STMN1: variants seen among roughly 807,000 people sequenced by gnomAD.
STMN1 encodes stathmin.
A neutral mutation model predicts 19.7 loss-of-function variants in STMN1; 3 were observed. That is an observed-to-expected ratio of 0.15 (90% CI 0.07 to 0.39). The LOEUF (loss-of-function observed/expected upper bound fraction) is 0.39, where lower values mean the gene tolerates loss of function less well. Ranked by LOEUF, STMN1 falls within the 10% of genes least tolerant of loss-of-function variation. The probability of loss-of-function intolerance (pLI) is 1.00; values close to 1 mark genes in which losing one functional copy is unlikely to be tolerated. For synonymous variants in STMN1, 59 were observed against 58.9 expected (o/e 1.00, Z -0.01); for missense variants, 99 against 176.0 (o/e 0.56, Z 2.48).
chr1:25,900,046 C>G, downstream of STMN1: 1 of 979,704 alleles, frequency 1.0e-6, no homozygotes, highest in Non-Finnish European at 1.2e-6. Context: ...ACGTATCTGC[C>G]AACCTTAACC....
At chr1:25,891,593 C>A (rs2095426) in intron 4 of STMN1, among the ~76,000 whole-genome samples, 1 of 151,896 alleles carries the variant, frequency 6.6e-6, no homozygotes, top group Non-Finnish European at 1.5e-5. Flanking sequence ...AAATGGACTT[C>A]TGAGTTCTTC....
At chr1:25,898,921 G>GA (rs2048844723), downstream of STMN1, among the ~76,000 whole-genome samples, 1 of 152,228 alleles carries the variant, frequency 6.6e-6, no homozygotes, top group African/African-American at 2.4e-5. Context: ...ATGGGGGAGT[G>GA]AAAGTTACTT....
chr1:25,890,597 G>T (rs1369923424), intron 4 of STMN1, among the ~76,000 whole-genome samples: 1 of 152,210 alleles, frequency 6.6e-6, no homozygotes, highest in African/African-American at 2.4e-5. Flanking sequence ...TTCCGGCATT[G>T]TGCCTGCACG....
At chr1:25,893,375 C>T (rs934181746) in intron 4 of STMN1, among the ~76,000 whole-genome samples, 8 of 152,042 alleles carry the variant, frequency 5.3e-5, no homozygotes, top group African/African-American at 1.9e-4. Context: ...TCTCAGGAGA[C>T]CTTCTAAGAG....
chr1:25,904,872 GA>G (rs35742348), intron 1 of STMN1, 134 bp from the exon 2 acceptor site: 8,896 of 504,650 alleles, frequency 0.018, 661 homozygotes, highest in African/African-American at 0.16. Context: ...AATTAACCAC[GA>G]AAAAAATTAT....
At chr1:25,888,286 G>A (rs774832076) in intron 4 of STMN1, among the ~76,000 whole-genome samples, 1 of 152,056 alleles carries the variant, frequency 6.6e-6, no homozygotes, top group Non-Finnish European at 1.5e-5. Context: ...TGCCATGCCC[G>A]ACCACCATCA....
downstream of STMN1, among the ~76,000 whole-genome samples, chr1:25,899,462 A>C (rs2048848922): frequency 6.6e-6 from 1 of 152,248 alleles, no homozygotes; most frequent in Non-Finnish European, 1.5e-5. Context: ...GTATTCAACT[A>C]TACTTGCACT....
At chr1:25,906,621 G>T (rs1436673498), upstream of STMN1, among the ~76,000 whole-genome samples, 1 of 152,126 alleles carries the variant, frequency 6.6e-6, no homozygotes, top group Non-Finnish European at 1.5e-5. The surrounding 1 kb of genome is among the most constrained non-coding windows in gnomAD (Gnocchi z 4.5). Flanking sequence ...GCCGGGGGTT[G>T]CAGGGCGCCT....
intron 4 of STMN1, among the ~76,000 whole-genome samples, chr1:25,890,819 AAAG>A (rs999234907): frequency 6.6e-6 from 1 of 152,130 alleles, no homozygotes; most frequent in African/African-American, 2.4e-5. Context: ...AAAAAACTGG[AAAG>A]AAGAGGTGAG....
intron 4 of STMN1, among the ~76,000 whole-genome samples, chr1:25,886,627 T>G (rs1284698276): frequency 6.7e-6 from 1 of 149,848 alleles, no homozygotes; most frequent in Admixed American, 6.7e-5. Context: ...CTCACTCTGT[T>G]GCCCAGGCTG....
At chr1:25,901,710 C>G (rs1308453633) in intron 3 of STMN1, 28 bp from the exon 4 acceptor site, 1 of 1,590,266 alleles carries the variant, frequency 6.3e-7, no homozygotes, top group African/African-American at 1.4e-5. Context: ...ATAGGCTAGG[C>G]ACTCTAAAAT....
At chr1:25,897,668 T>A (rs1464366751), downstream of STMN1, among the ~76,000 whole-genome samples, 1 of 152,042 alleles carries the variant, frequency 6.6e-6, no homozygotes, top group Non-Finnish European at 1.5e-5. Flanking sequence ...AGGGGAATTG[T>A]TCCGGGCAAC....
At chr1:25,894,278 A>C (rs1489393895) in intron 4 of STMN1, among the ~76,000 whole-genome samples, 2 of 152,154 alleles carry the variant, frequency 1.3e-5, no homozygotes, top group African/African-American at 4.8e-5. Flanking sequence ...GTGCAGCTGC[A>C]GGCCCATCTC....
In STMN1 at chr1:25,901,592, AGTT is replaced by A. The variant is rs2048875015; in HGVS notation, c.274_276del (p.Asn92del). On this transcript the variant is annotated inframe_deletion, in exon 4 of 5. Coordinates refer to ENST00000455785, the MANE Select transcript of STMN1 (RefSeq NM_005563.4). ...AGTTTCTCTTCTGCCATTTTACTGA[AGTT>A]GTTGTTCTCTTCTATTGCCTTCTGA... The A allele has an allele frequency of 3.1e-6, 5 of 1,613,976 alleles. No individual in the cohort carries two copies. Among genetic ancestry groups the A allele is most frequent in the East Asian group, 2.2e-5 (1 of 44,878 alleles).
At chr1:25,886,580 T>TG (rs1491349167) in intron 4 of STMN1, among the ~76,000 whole-genome samples, 834 of 29,916 alleles carry the variant, frequency 0.028, 26 homozygotes, top group Admixed American at 0.18. Context: ...CCCCCACCAC[T>TG]TTTTTTTTTT....
At chr1:25,899,908 TGA>T (rs908966197), downstream of STMN1, among the ~76,000 whole-genome samples, 1 of 152,148 alleles carries the variant, frequency 6.6e-6, no homozygotes, top group Non-Finnish European at 1.5e-5. Flanking sequence ...TACAGATGTC[TGA>T]GAGGCACAAA....
Position 25,904,736 on chromosome 1 carries a change from G to A in STMN1, c.-60C>T. On this transcript the variant is annotated splice_region_variant and 5_prime_UTR_variant, in exon 2 of 5. Transcript: ENST00000455785. ...TGCACAATCAACTGGGATAAGGAAA[G>A]TCCTGAAAATGATTTTCAAAAACAT... 4 of 1,595,666 alleles carry A rather than the reference G, an allele frequency of 2.5e-6. No homozygotes were observed. The highest frequency in any genetic ancestry group is 3.4e-6 in the Non-Finnish European group (4 of 1,174,094).
chr1:25,903,841 A>G (rs749423677), intron 2 of STMN1, 28 bp from the exon 3 acceptor site: 91 of 1,573,708 alleles, frequency 5.8e-5, no homozygotes, highest in Non-Finnish European at 7.8e-5. Context: ...TATAATTCAG[A>G]AAACCAGGAT....
Position 25,901,678 on chromosome 1 carries a change from TGGGACTG to T in STMN1, c.187-3_190del. 6.2e-7 allele frequency: 1 copy of T among 1,606,124 alleles called. No individual in the cohort carries two copies. Among genetic ancestry groups the T allele is most frequent in the Admixed American group, 1.7e-5 (1 of 57,926 alleles). On this transcript the variant is annotated splice_acceptor_variant and splice_polypyrimidine_tract_variant and coding_sequence_variant and intron_variant, in exon 4 of 5. Coordinates refer to ENST00000455785, the MANE Select transcript of STMN1 (RefSeq NM_005563.4). LOFTEE classifies it high-confidence loss of function. ...CAGCTGCTTCAAGACCTCAGCTTCA[TGGGACTG>T]GAAAAAAAAGTTTAATAGGCTAGGC... is the stretch of plus-strand genomic sequence containing the variant.
Sources: allele counts gnomAD v4.1 joint callset (sites outside exome capture counted in the v4.1 genomes callset), GRCh38; gene constraint gnomAD v4.1.1; non-coding constraint Gnocchi (gnomAD v3.1); transcripts MANE v1.5; gene names NCBI Gene and HGNC (gene_info 2026-07-23, HGNC 2026-07-21).